Variants in PDZRN4 observed in about 807,000 individuals in gnomAD.
The protein encoded by PDZRN4 is PDZ domain containing ring finger 4.
PDZRN4 carries 70 observed loss-of-function variants against 99.0 expected under a neutral mutation model. The ratio of observed to expected loss-of-function variants is 0.71; its 90% CI spans 0.58 to 0.86. PDZRN4 has a LOEUF of 0.86. Among genes scored for constraint, PDZRN4 ranks in the 40% least tolerant of loss-of-function variants. The probability of loss-of-function intolerance (pLI) is 0.00; values close to 1 mark genes in which losing one functional copy is unlikely to be tolerated. For missense variants in PDZRN4, 1,474 were observed against 1,331.2 expected (o/e 1.11, Z -1.67); for synonymous variants, 551 against 501.6 (o/e 1.10, Z -1.32).
At chr12:41,347,103 T>C (rs2121028968) in intron 3 of PDZRN4, among the ~76,000 whole-genome samples, 1 of 152,302 alleles carries the variant, frequency 6.6e-6, no homozygotes, top group South Asian at 2.1e-4. Flanking sequence ...AATGCTGCTG[T>C]GAACGTTCAT....
intron 3 of PDZRN4, among the ~76,000 whole-genome samples, 189 bp downstream of exon 3, chr12:41,194,377 A>G (rs1424502940): frequency 1.3e-5 from 2 of 152,186 alleles, no homozygotes; most frequent in African/African-American, 4.8e-5. Context: ...GCTCATGCCT[A>G]TAATCCCAGC....
chr12:41,354,887 G>T (rs1042462399), intron 3 of PDZRN4, among the ~76,000 whole-genome samples: 1 of 151,890 alleles, frequency 6.6e-6, no homozygotes, highest in Non-Finnish European at 1.5e-5. Context: ...AAGTAATATC[G>T]TACATACCAT....
chr12:41,454,199 G>C (rs1402783616), intron 3 of PDZRN4, among the ~76,000 whole-genome samples: 1 of 152,002 alleles, frequency 6.6e-6, no homozygotes, highest in Non-Finnish European at 1.5e-5. Context: ...TGTTATCTTT[G>C]TGTTCAACAA....
intron 9 of PDZRN4, among the ~76,000 whole-genome samples, chr12:41,571,331 CAG>C (rs1174880187): frequency 1.6e-4 from 23 of 140,336 alleles, no homozygotes; most frequent in Non-Finnish European, 2.1e-4. Context: ...CAAAAATTAC[CAG>C]AGTCTCTCTC....
At chr12:41,557,731 G>T (rs374491132) in intron 7 of PDZRN4, among the ~76,000 whole-genome samples, 3 of 151,888 alleles carry the variant, frequency 2.0e-5, no homozygotes, top group South Asian at 4.1e-4. Context: ...AAACAGGAAA[G>T]AATACAAAGT....
intron 3 of PDZRN4, among the ~76,000 whole-genome samples, chr12:41,216,980 A>G (rs1181873967): frequency 2.8e-4 from 42 of 152,092 alleles, no homozygotes; most frequent in Admixed American, 2.8e-3. Flanking sequence ...TGAAGAAATC[A>G]ACTCCCCAAC....
chr12:41,430,146 T>C (rs1952575037), intron 3 of PDZRN4, among the ~76,000 whole-genome samples: 3 of 152,202 alleles, frequency 2.0e-5, no homozygotes, highest in African/African-American at 4.8e-5. Flanking sequence ...AGTACACTTA[T>C]GTCTTCCTTA....
At chr12:41,228,914 C>G (rs547751718) in intron 3 of PDZRN4, among the ~76,000 whole-genome samples, 3 of 152,052 alleles carry the variant, frequency 2.0e-5, no homozygotes, top group Admixed American at 6.5e-5. Flanking sequence ...AAAAATCAGA[C>G]AGAAGAAGTG....
At chr12:41,382,717 G>A (rs1261140033) in intron 3 of PDZRN4, among the ~76,000 whole-genome samples, 1 of 152,132 alleles carries the variant, frequency 6.6e-6, no homozygotes, top group Non-Finnish European at 1.5e-5. Context: ...GAGGGACTTA[G>A]GTGTAAATGC....
intron 3 of PDZRN4, among the ~76,000 whole-genome samples, chr12:41,250,103 G>A (rs1242343655): frequency 6.6e-6 from 1 of 152,104 alleles, no homozygotes; most frequent in East Asian, 1.9e-4. Flanking sequence ...GTTTGCTCTT[G>A]ACTTAGGTGT....
rs755694853 is a variant in PDZRN4 at position 41,410,974 on chromosome 12, G to T, written c.844-95482G>T. ...GCTGACTGCAGCCCATACCTCCAAG[G>T]TTCAACCAATCCTCCCATCTCAGGC... On this transcript the variant is annotated intron_variant, in intron 3 of 9. Coordinates refer to ENST00000402685, the MANE Select transcript of PDZRN4 (RefSeq NM_001164595.2). 2.6e-5 allele frequency among the ~76,000 whole-genome samples: 4 copies of T among 151,824 alleles called. No homozygotes were observed. In the East Asian group the frequency reaches 7.7e-4, roughly 29 times the overall value.
intron 3 of PDZRN4, among the ~76,000 whole-genome samples, chr12:41,388,888 A>G (rs1305339882): frequency 6.6e-6 from 1 of 152,130 alleles, no homozygotes; most frequent in Non-Finnish European, 1.5e-5. Context: ...AGTTTTTAAG[A>G]GTAAGGACAG....
intron 3 of PDZRN4, among the ~76,000 whole-genome samples, chr12:41,480,253 A>C (rs1437381232): frequency 1.3e-5 from 2 of 152,142 alleles, no homozygotes; most frequent in African/African-American, 4.8e-5. Context: ...ACCTCATTCT[A>C]GTTTTGATCA....
Position 41,572,914 on chromosome 12 carries a change from C to A in PDZRN4, c.2135C>A (p.Thr712Asn), listed in dbSNP as rs767619328. The change falls in exon 10 of 10, where the codon ACC becomes AAC. Residue 712 changes from threonine to asparagine, a missense_variant. Transcript: ENST00000402685. ...GATGGAGGATTCCGGAATTATAACA[C>A]CAGCATAGATATGCAAAGGGGAAAG... ...LHDGGFRNYN[T>N]SIDMQRGKLD... 19 of 1,614,008 alleles carry A rather than the reference C, an allele frequency of 1.2e-5. No homozygotes were observed. In the South Asian group the frequency reaches 2.0e-4, roughly 17 times the overall value.
chr12:41,347,098 T>C (rs1476141609), intron 3 of PDZRN4, among the ~76,000 whole-genome samples: 1 of 152,212 alleles, frequency 6.6e-6, no homozygotes, highest in East Asian at 1.9e-4. Context: ...TGGATAATGC[T>C]GCTGTGAACG....
In PDZRN4 at chr12:41,573,446, G is replaced by A; in HGVS notation, c.2667G>A (p.Trp889Ter). 2 of 1,613,968 alleles carry A rather than the reference G, an allele frequency of 1.2e-6. No individual in the cohort carries two copies. Among genetic ancestry groups the A allele is most frequent in the Non-Finnish European group, 8.5e-7 (1 of 1,180,004 alleles). The part of the protein sequence containing the change: ...SQKCSEPKME[W>*]KVKIRSDGTR... ...AGTGTTCAGAGCCCAAGATGGAATG[G>A]AAGGTGAAAATTAGGAGCGACGGGA... The change falls in exon 10 of 10, where the codon TGG (tryptophan) becomes TGA (stop). Residue 889 changes from tryptophan to a stop codon, truncating the protein, a stop_gained. Coordinates refer to ENST00000402685, the MANE Select transcript of PDZRN4 (RefSeq NM_001164595.2). LOFTEE classifies it high-confidence loss of function.
At chr12:41,316,650 GT>G (rs1951640079) in intron 3 of PDZRN4, among the ~76,000 whole-genome samples, 1 of 151,936 alleles carries the variant, frequency 6.6e-6, no homozygotes, top group Non-Finnish European at 1.5e-5. Context: ...GAGTACCCAT[GT>G]TTGTATGGCT....
intron 3 of PDZRN4, among the ~76,000 whole-genome samples, chr12:41,423,953 C>T (rs568797946): frequency 4.6e-5 from 7 of 152,208 alleles, no homozygotes; most frequent in African/African-American, 1.4e-4. Context: ...TTGTAGTTCA[C>T]GTTGTAGGGT....
intron 3 of PDZRN4, among the ~76,000 whole-genome samples, chr12:41,369,045 C>A (rs1952021638): frequency 6.6e-6 from 1 of 152,094 alleles, no homozygotes; most frequent in African/African-American, 2.4e-5. Flanking sequence ...AGATTGTACT[C>A]ATTTCCTGTT....
Sources: allele counts gnomAD v4.1 joint callset (sites outside exome capture counted in the v4.1 genomes callset), GRCh38; gene constraint gnomAD v4.1.1; transcripts MANE v1.5; gene names NCBI Gene and HGNC (gene_info 2026-07-23, HGNC 2026-07-21).